The following DSCAM variants were observed in gnomAD, a reference collection of about 807,000 sequenced individuals.
DSCAM encodes cell adhesion molecule DSCAM.
In DSCAM, 47 loss-of-function variants were observed where a neutral mutation model predicts 217.7. The ratio of observed to expected loss-of-function variants is 0.22; its 90% CI spans 0.17 to 0.28. DSCAM has a LOEUF of 0.28. DSCAM is among the 10% of genes least tolerant of loss of function. DSCAM has a pLI of 1.00. For missense variants in DSCAM, 2,080 were observed against 2,618.3 expected, an observed-to-expected ratio of 0.79 and a Z score of 4.49; for synonymous variants, 1,056 against 1,015.3, an observed-to-expected ratio of 1.04 and a Z score of -0.76.
At chr21:40,508,754 TATATATATATATATATATATATA>T (rs1568862804) in intron 3 of DSCAM, among the ~76,000 whole-genome samples, 49 of 4,808 alleles carry the variant, frequency 0.01, 3 homozygotes, top group East Asian at 0.017. Context: ...TATATATATA[TATATATATATATATATATATATA>T]TATATATTTT....
chr21:40,331,206 A>G (rs2074374769), intron 8 of DSCAM, among the ~76,000 whole-genome samples: 1 of 152,162 alleles, frequency 6.6e-6, no homozygotes, highest in Admixed American at 6.5e-5. Context: ...TTGCCAACAG[A>G]GTTGGGTTTG....
chr21:40,174,982 T>G (rs1290260246), intron 15 of DSCAM, among the ~76,000 whole-genome samples: 1 of 152,200 alleles, frequency 6.6e-6, no homozygotes. Flanking sequence ...TCTTCTTTCC[T>G]CTCAGCCTTC....
intron 3 of DSCAM, among the ~76,000 whole-genome samples, chr21:40,467,283 T>C (rs2075853041): frequency 1.3e-5 from 2 of 152,372 alleles, no homozygotes; most frequent in South Asian, 4.1e-4. Flanking sequence ...ACACTGTGCA[T>C]ATACACAATG....
intron 3 of DSCAM, among the ~76,000 whole-genome samples, chr21:40,549,984 T>C (rs2076616328): frequency 6.6e-6 from 1 of 152,182 alleles, no homozygotes; most frequent in South Asian, 2.1e-4. Flanking sequence ...TTATGGAGGA[T>C]CCATGGAGCA....
At chr21:40,588,212 T>C (rs570290601) in intron 3 of DSCAM, among the ~76,000 whole-genome samples, 68 of 151,438 alleles carry the variant, frequency 4.5e-4, no homozygotes, top group African/African-American at 1.6e-3. Context: ...AACACTCACT[T>C]ACAATTGCAT....
At position 40,775,591 on chromosome 21, in the gene DSCAM, C is replaced by T. The variant is rs147528164; in HGVS notation, c.44-66820G>A. ...GATTCTGAGGCACAGATCCCTCTCT[C>T]TGAGAGCTGGGACAGATGTTTCTTC... On this transcript the variant is annotated intron_variant, in intron 1 of 32. Coordinates refer to ENST00000400454, the MANE Select transcript of DSCAM (RefSeq NM_001389.5). 3.8e-3 allele frequency among the ~76,000 whole-genome samples: 575 copies of T among 152,288 alleles called. 4 individuals are homozygous for T. The highest frequency in any genetic ancestry group is 0.013 in the African/African-American group (554 of 41,562).
At chr21:40,350,217 A>T (rs1285759899) in intron 5 of DSCAM, among the ~76,000 whole-genome samples, 2 of 152,224 alleles carry the variant, frequency 1.3e-5, no homozygotes, top group African/African-American at 4.8e-5. Context: ...CATTCAGGAC[A>T]TATGCATGGA....
intron 8 of DSCAM, among the ~76,000 whole-genome samples, chr21:40,319,471 C>T (rs576111664): frequency 1.1e-3 from 169 of 150,782 alleles, no homozygotes; most frequent in African/African-American, 3.8e-3. Flanking sequence ...GTGACATTCT[C>T]TTTATCCATT....
chr21:40,133,170 T>A (rs1033030799), intron 19 of DSCAM, among the ~76,000 whole-genome samples: 4 of 152,244 alleles, frequency 2.6e-5, no homozygotes, highest in African/African-American at 9.6e-5. Context: ...TATCTGTTCC[T>A]TAAACAGGCT....
At chr21:40,465,880 T>TAA (rs113912367) in intron 3 of DSCAM, among the ~76,000 whole-genome samples, 1 of 146,276 alleles carries the variant, frequency 6.8e-6, no homozygotes, top group African/African-American at 2.5e-5. Flanking sequence ...ACACGTTTGG[T>TAA]AAAAAAAAAA....
intron 15 of DSCAM, among the ~76,000 whole-genome samples, chr21:40,175,271 G>A (rs2090711996): frequency 6.6e-6 from 1 of 152,046 alleles, no homozygotes. Flanking sequence ...CACAATGCAT[G>A]GCTAATTTTT....
chr21:40,050,737 T>C (rs182330456), intron 30 of DSCAM, among the ~76,000 whole-genome samples: 1 of 152,282 alleles, frequency 6.6e-6, no homozygotes, highest in Non-Finnish European at 1.5e-5. Flanking sequence ...CGCCTCGGCC[T>C]CCCAAAGTGC....
chr21:40,358,036 G>T (rs1219502967), intron 4 of DSCAM, among the ~76,000 whole-genome samples: 3 of 152,108 alleles, frequency 2.0e-5, no homozygotes, highest in Non-Finnish European at 4.4e-5. Flanking sequence ...AGTTGGAGAA[G>T]GTGGCACAAA....
intron 16 of DSCAM, among the ~76,000 whole-genome samples, chr21:40,162,223 T>A (rs1241871105): frequency 6.6e-6 from 1 of 152,200 alleles, no homozygotes; most frequent in Non-Finnish European, 1.5e-5. Flanking sequence ...GGTAAGTTCC[T>A]TTGACTTCAG....
chr21:40,387,539 T>C (rs141410312), intron 3 of DSCAM, among the ~76,000 whole-genome samples: 1 of 152,288 alleles, frequency 6.6e-6, no homozygotes, highest in Non-Finnish European at 1.5e-5. Flanking sequence ...ACTTCGCTTC[T>C]AAGGACATCT....
intron 3 of DSCAM, among the ~76,000 whole-genome samples, chr21:40,428,795 T>C (rs2075501469): frequency 6.6e-6 from 1 of 151,986 alleles, no homozygotes; most frequent in South Asian, 2.1e-4. Context: ...ACCACTGACA[T>C]GATATCGTTC....
intron 20 of DSCAM, among the ~76,000 whole-genome samples, chr21:40,113,235 C>G (rs539035113): frequency 5.9e-5 from 9 of 152,294 alleles, no homozygotes; most frequent in African/African-American, 2.2e-4. Context: ...GGCTTCATCC[C>G]TGGGATGCAA....
At chr21:40,569,320 C>G (rs1285239671) in intron 3 of DSCAM, among the ~76,000 whole-genome samples, 1 of 152,068 alleles carries the variant, frequency 6.6e-6, no homozygotes, top group African/African-American at 2.4e-5. Flanking sequence ...TTGATGAAAC[C>G]CTTATCTAGG....
chr21:40,396,708 T>G (rs879649063), intron 3 of DSCAM, among the ~76,000 whole-genome samples: 5 of 150,928 alleles, frequency 3.3e-5, no homozygotes, highest in Non-Finnish European at 7.4e-5. Flanking sequence ...CTACCACCAC[T>G]CCTACCACAA....
Sources: gnomAD v4.1 joint callset for allele counts (sites outside exome capture counted in the v4.1 genomes callset) on GRCh38, gnomAD v4.1.1 for gene constraint, MANE v1.5 for transcripts, NCBI Gene and HGNC (gene_info 2026-07-23, HGNC 2026-07-21) for gene names.